FAT4: variants seen among roughly 807,000 people sequenced by gnomAD.
The protein encoded by FAT4 is protocadherin Fat 4.
A neutral mutation model predicts 303.9 loss-of-function variants in FAT4; 84 were observed. The observed-to-expected ratio is 0.28, with a 90% CI of 0.23 to 0.33. FAT4 has a LOEUF of 0.33. FAT4 is among the 10% of genes least tolerant of loss of function. The probability of loss-of-function intolerance (pLI) is 1.00; values close to 1 mark genes in which losing one functional copy is unlikely to be tolerated. For missense variants in FAT4, 6,005 were observed against 6,146.8 expected (o/e 0.98, Z 0.77); for synonymous variants, 2,307 against 2,298.8 (o/e 1.00, Z -0.10).
intron 2 of FAT4, among the ~76,000 whole-genome samples, chr4:125,346,283 A>C (rs1330873926): frequency 1.3e-5 from 2 of 152,036 alleles, no homozygotes; most frequent in East Asian, 3.9e-4. Flanking sequence ...TAAAAGCGGT[A>C]GCAGTGTTTT....
At chr4:125,472,161 A>C (rs2126079650) in intron 12 of FAT4, among the ~76,000 whole-genome samples, 1 of 152,018 alleles carries the variant, frequency 6.6e-6, no homozygotes, top group Non-Finnish European at 1.5e-5. Context: ...TTGTCTGTTA[A>C]AAAGAAAGCC....
At chr4:125,481,018 A>G (rs752732219) in intron 15 of FAT4, among the ~76,000 whole-genome samples, 2 of 152,062 alleles carry the variant, frequency 1.3e-5, no homozygotes, top group Non-Finnish European at 2.9e-5. Flanking sequence ...CTGATTATAC[A>G]TGATGATAAA....
intron 11 of FAT4, among the ~76,000 whole-genome samples, chr4:125,465,954 C>A (rs2062995): frequency 0.61 from 92,329 of 151,958 alleles, 28,353 homozygotes; most frequent in East Asian, 0.85. Flanking sequence ...TACAAATAAC[C>A]ATGTCAGATG....
In FAT4 at chr4:125,491,127, C is replaced by A; in HGVS notation, c.14311C>A (p.Arg4771Ser). The A allele has an allele frequency of 6.2e-7, 1 of 1,614,108 alleles. No homozygotes were observed. The highest frequency in any genetic ancestry group is 8.5e-7 in the Non-Finnish European group (1 of 1,180,014). The change falls in exon 18 of 18, where the codon CGC becomes AGC. Residue 4771 changes from arginine (R) to serine (S), a missense_variant. By Grantham distance (110) the Arg-to-Ser change is moderately radical. Coordinates refer to ENST00000394329, the MANE Select transcript of FAT4 (RefSeq NM_001291303.3). ...MASHGSRPGS[R>S]LKQPIGQIPL... ...ATCACATGGTTCTAGACCAGGGAGT[C>A]GCCTAAAGCAGCCGATTGGGCAGAT...
chr4:125,315,071 C>A lies in FAT4; in HGVS notation c.-919C>A, dbSNP rs551271483. Among the ~76,000 whole-genome samples the A allele has an allele frequency of 2.6e-5, 4 of 151,416 alleles. No individual in the cohort carries two copies. The East Asian group carries it at 5.9e-4, about 22-fold the overall frequency. ...GCGACGCGCTGTGTGTGTGTGTGTG[C>A]GTGTGTATGTGTGTGTGTGTGCATG... On this transcript the variant is annotated 5_prime_UTR_variant, in exon 1 of 18. Transcript: ENST00000394329.
Position 125,468,529 on chromosome 4 carries a change from T to C in FAT4, c.11923T>C (p.Cys3975Arg). ...TCCAACAGGTGTCTTTGGAAAACAC[T>C]GCGAGTTGAACAGTTATGGATTTGA... The part of the protein sequence containing the change: ...HCPFGVFGKH[C>R]ELNSYGFEEL... Residue 3975 changes from cysteine to arginine, a missense_variant, in exon 12 of 18, where the codon TGC (cysteine) becomes CGC (arginine). Physicochemically the swap from Cys to Arg is radical, Grantham distance 180. Coordinates refer to ENST00000394329, the MANE Select transcript of FAT4 (RefSeq NM_001291303.3). 6.4e-7 allele frequency: 1 copy of C among 1,563,352 alleles called. No individual in the cohort carries two copies.
intron 5 of FAT4, among the ~76,000 whole-genome samples, chr4:125,414,276 A>G (rs1490756654): frequency 6.6e-6 from 1 of 152,108 alleles, no homozygotes; most frequent in Non-Finnish European, 1.5e-5. Context: ...ACAGTTCAAT[A>G]ATAGCATGAG....
chr4:125,479,517 A>G (rs986570027), intron 14 of FAT4, among the ~76,000 whole-genome samples: 10 of 152,208 alleles, frequency 6.6e-5, no homozygotes, highest in Admixed American at 1.3e-4. Flanking sequence ...CTTTCTCATT[A>G]TTATATAAGA....
intron 2 of FAT4, among the ~76,000 whole-genome samples, chr4:125,372,656 A>T (rs1733167381): frequency 1.3e-5 from 2 of 152,170 alleles, no homozygotes; most frequent in South Asian, 2.1e-4. Context: ...ACAATGATTC[A>T]TGATTTGTTA....
chr4:125,348,068 C>T (rs1290244975), intron 2 of FAT4, among the ~76,000 whole-genome samples: 1 of 151,706 alleles, frequency 6.6e-6, no homozygotes, highest in African/African-American at 2.4e-5. Context: ...CACTCAGTCC[C>T]TGAACTAGCT....
chr4:125,398,642 A>G, intron 2 of FAT4, 142 bp from the exon 3 acceptor site: 2 of 707,172 alleles, frequency 2.8e-6, no homozygotes, highest in East Asian at 5.2e-5. Flanking sequence ...CCCTAGGGGT[A>G]GTTTCTGTTG....
In FAT4 at chr4:125,415,742, A is replaced by G; in HGVS notation, c.6779A>G (p.Glu2260Gly). The change falls in exon 6 of 18, where the codon GAG becomes GGG. Residue 2260 changes from glutamate (E) to glycine (G), a missense_variant. Physicochemically the swap from Glu to Gly is moderately conservative, Grantham distance 98 (BLOSUM62 -2). Transcript: ENST00000394329. Reference sequence around the variant, plus strand: ...ATTAATGACTTTGTTCCTGTATTTGAGCTATCTCCATATTCTGTAAATGTC... The same window carrying G: ...ATTAATGACTTTGTTCCTGTATTTGGGCTATCTCCATATTCTGTAAATGTC... ...LDINDFVPVF[E>G]LSPYSVNVPE... 2 of 1,613,944 alleles carry G rather than the reference A, an allele frequency of 1.2e-6. No homozygotes were observed. The highest frequency in any genetic ancestry group is 1.7e-6 in the Non-Finnish European group (2 of 1,179,902).
At position 125,316,939 on chromosome 4, in the gene FAT4, C is replaced by G. The variant is rs1309666666; in HGVS notation, c.528C>G (p.Ile176Met). The stretch of plus-strand genomic sequence containing the variant: ...GTGTGGACCACCGCTCCTACCGCAT[C>G]ATCCGCGGCAATGAGGCGGGGCGCT... ...SNGVDHRSYR[I>M]IRGNEAGRFR... The change falls in exon 2 of 18, where the codon ATC becomes ATG. Residue 176 changes from isoleucine to methionine, a missense_variant. Physicochemically the swap from Ile to Met is conservative, Grantham distance 10. Transcript: ENST00000394329. The surrounding 1 kb of genome is among the most constrained non-coding windows in gnomAD (Gnocchi z 5.7). The G allele has an allele frequency of 1.2e-6, 2 of 1,613,876 alleles. No individual in the cohort carries two copies. The highest frequency in any genetic ancestry group is 1.7e-5 in the Admixed American group (1 of 60,004).
intron 17 of FAT4, 63 bp from the exon 18 acceptor site, chr4:125,489,838 G>A: frequency 9.3e-7 from 1 of 1,071,056 alleles, no homozygotes; most frequent in Non-Finnish European, 1.3e-6. Flanking sequence ...CAGCAGTGTA[G>A]TATAAGCTCT....
chr4:125,355,946 G>T (rs1732407308), intron 2 of FAT4, among the ~76,000 whole-genome samples: 8 of 151,962 alleles, frequency 5.3e-5, no homozygotes, highest in Admixed American at 4.6e-4. Flanking sequence ...GATTGACATA[G>T]CAATATCCTA....
intron 3 of FAT4, among the ~76,000 whole-genome samples, chr4:125,405,763 A>G (rs112502149): frequency 0.025 from 3,763 of 151,986 alleles, 139 homozygotes; most frequent in African/African-American, 0.082. Flanking sequence ...TAGCCTCCCA[A>G]AGTGCTGGGA....
At chr4:125,379,075 G>A (rs557433341) in intron 2 of FAT4, among the ~76,000 whole-genome samples, 1 of 151,960 alleles carries the variant, frequency 6.6e-6, no homozygotes, top group Admixed American at 6.6e-5. Flanking sequence ...AATGGTTATT[G>A]GTCCATTCCA....
intron 8 of FAT4, among the ~76,000 whole-genome samples, chr4:125,440,799 AC>A (rs1578646327): frequency 6.6e-6 from 1 of 152,092 alleles, no homozygotes; most frequent in Non-Finnish European, 1.5e-5. Context: ...AACACAGTGT[AC>A]CTAAAATTCT....
At chr4:125,426,981 A>T (rs745908389) in intron 7 of FAT4, among the ~76,000 whole-genome samples, 8 of 151,870 alleles carry the variant, frequency 5.3e-5, no homozygotes, top group Non-Finnish European at 7.4e-5. Flanking sequence ...TATTTTGATA[A>T]GTATTCTTAA....
Sources: allele counts gnomAD v4.1 joint callset (sites outside exome capture counted in the v4.1 genomes callset), GRCh38; gene constraint gnomAD v4.1.1; non-coding constraint Gnocchi (gnomAD v3.1); transcripts MANE v1.5; gene names NCBI Gene and HGNC (gene_info 2026-07-23, HGNC 2026-07-21).